The following CDK5RAP2 variants were observed in gnomAD, a reference collection of about 807,000 sequenced individuals.
The protein encoded by CDK5RAP2 is CDK5 regulatory subunit-associated protein 2.
CDK5RAP2 carries 147 observed loss-of-function variants against 232.9 expected under a neutral mutation model. That is an observed-to-expected ratio of 0.63 (90% CI 0.55 to 0.72). The LOEUF is 0.72. Ranked by LOEUF, CDK5RAP2 falls within the 30% of genes least tolerant of loss-of-function variation. CDK5RAP2 has a pLI of 0.00. For missense variants in CDK5RAP2, 2,195 were observed against 2,231.5 expected (o/e 0.98, Z 0.33); for synonymous variants, 833 against 833.7 (o/e 1.00, Z 0.01).
chr9:120,529,514 A>G (rs1332350560), intron 8 of CDK5RAP2, among the ~76,000 whole-genome samples: 1 of 152,194 alleles, frequency 6.6e-6, no homozygotes, highest in Non-Finnish European at 1.5e-5. Context: ...GGCTGGGAGG[A>G]TTGAACGAGA....
At chr9:120,563,603 T>C (rs988014486) in intron 3 of CDK5RAP2, among the ~76,000 whole-genome samples, 12 of 152,194 alleles carry the variant, frequency 7.9e-5, no homozygotes, top group African/African-American at 2.9e-4. Context: ...AGCCCCACTT[T>C]ACACATGAGG....
chr9:120,455,414 G>A (rs555205967), intron 20 of CDK5RAP2, among the ~76,000 whole-genome samples: 84 of 151,012 alleles, frequency 5.6e-4, no homozygotes, highest in African/African-American at 1.9e-3. Context: ...AAGGCCCTGC[G>A]ATGGACTGGG....
intron 23 of CDK5RAP2, among the ~76,000 whole-genome samples, chr9:120,441,727 T>A (rs1217166541): frequency 6.6e-6 from 1 of 152,230 alleles, no homozygotes; most frequent in Non-Finnish European, 1.5e-5. Flanking sequence ...GCAAATACCA[T>A]AAAGTATGGC....
chr9:120,435,470 T>TACACACACAC (rs55654634), intron 25 of CDK5RAP2, among the ~76,000 whole-genome samples: 445 of 147,406 alleles, frequency 3.0e-3, no homozygotes, highest in African/African-American at 0.01. Flanking sequence ...ATTACACATT[T>TACACACACAC]ACACACACAC....
At chr9:120,521,651 T>C (rs945031139) in intron 11 of CDK5RAP2, among the ~76,000 whole-genome samples, 3 of 145,344 alleles carry the variant, frequency 2.1e-5, no homozygotes, top group Middle Eastern at 3.4e-3. Flanking sequence ...TTTCTTTTTT[T>C]TTTTTTTTTT....
At chr9:120,406,720 C>A in intron 32 of CDK5RAP2, 1 of 424,350 alleles carries the variant, frequency 2.4e-6, no homozygotes, top group Non-Finnish European at 4.2e-6. Flanking sequence ...CAAAGTGATG[C>A]AGGCAGGACT....
In CDK5RAP2 at chr9:120,471,869, G is replaced by A. The variant is rs763979236; in HGVS notation, c.1737C>T (p.Asn579=). The A allele has an allele frequency of 1.9e-6, 3 of 1,613,954 alleles. No homozygotes were observed. The highest frequency in any genetic ancestry group is 1.7e-6 in the Non-Finnish European group (2 of 1,179,946). The change falls in exon 16 of 38, where the codon AAC becomes AAT. Residue 579 remains asparagine, a synonymous_variant. Coordinates refer to ENST00000349780, the MANE Select transcript of CDK5RAP2 (RefSeq NM_018249.6). The part of the protein sequence containing the change: ...KSLQESDSIN[N]LQAELNKIFA... ...AAATCTTGTTTAACTCAGCCTGCAGGTTGTTGATACTTGGTAAAACAAGAC... is the reference window on the plus strand; with the variant it reads ...AAATCTTGTTTAACTCAGCCTGCAGATTGTTGATACTTGGTAAAACAAGAC...
At chr9:120,549,384 T>C (rs1489446073) in intron 4 of CDK5RAP2, among the ~76,000 whole-genome samples, 1 of 152,186 alleles carries the variant, frequency 6.6e-6, no homozygotes, top group African/African-American at 2.4e-5. Flanking sequence ...AGTGTATATC[T>C]CTTAGGCTTT....
intron 16 of CDK5RAP2, among the ~76,000 whole-genome samples, chr9:120,471,201 A>C (rs914677782): frequency 5.3e-5 from 8 of 152,186 alleles, no homozygotes; most frequent in African/African-American, 1.4e-4. Context: ...ACCAACCCAA[A>C]CTTTAAAGGG....
At chr9:120,422,005 C>T (rs1049537046) in intron 26 of CDK5RAP2, among the ~76,000 whole-genome samples, 3 of 152,220 alleles carry the variant, frequency 2.0e-5, no homozygotes, top group African/African-American at 7.2e-5. Flanking sequence ...CTGACACACA[C>T]CAATACCTAG....
At position 120,491,392 on chromosome 9, in the gene CDK5RAP2, C is replaced by T. The variant is rs1218877614; in HGVS notation, c.1397G>A (p.Ser466Asn). ...AMENRYKSLL[S>N]ESNKKLHNQE... ...ATTGTGCAATTTTTTATTGCTTTCACTCAGAAGACTCTTGTAACGATTTTC... is the reference window on the plus strand; with the variant it reads ...ATTGTGCAATTTTTTATTGCTTTCATTCAGAAGACTCTTGTAACGATTTTC... Residue 466 changes from serine to asparagine, a missense_variant, in exon 13 of 38, where the codon AGT (serine) becomes AAT (asparagine). By Grantham distance (46) the Ser-to-Asn change is conservative. Coordinates refer to ENST00000349780, the MANE Select transcript of CDK5RAP2 (RefSeq NM_018249.6). The T allele has an allele frequency of 3.1e-6, 5 of 1,612,346 alleles. No homozygotes were observed. The highest frequency in any genetic ancestry group is 4.2e-6 in the Non-Finnish European group (5 of 1,178,766).
chr9:120,518,354 C>A, intron 12 of CDK5RAP2, 73 bp downstream of exon 12: 4 of 1,225,842 alleles, frequency 3.3e-6, no homozygotes, highest in Non-Finnish European at 4.8e-6. Context: ...CTGAATATCA[C>A]CCTACAACCA....
chr9:120,555,801 A>AC (rs1273679117), intron 3 of CDK5RAP2, among the ~76,000 whole-genome samples: 1 of 152,184 alleles, frequency 6.6e-6, no homozygotes, highest in African/African-American at 2.4e-5. Flanking sequence ...GCTGGGAGAA[A>AC]CTCTTACGTC....
intron 25 of CDK5RAP2, 85 bp downstream of exon 25, chr9:120,437,210 A>G (rs2131313865): frequency 1.1e-6 from 1 of 936,520 alleles, no homozygotes; most frequent in Non-Finnish European, 1.7e-6. Flanking sequence ...AACTAAGGCC[A>G]AGGAGTTAGC....
chr9:120,541,060 G>A (rs536602307), intron 5 of CDK5RAP2, among the ~76,000 whole-genome samples: 3 of 152,210 alleles, frequency 2.0e-5, no homozygotes, highest in Non-Finnish European at 2.9e-5. Flanking sequence ...CATTATACAC[G>A]GCCGAAAGAA....
rs376130472 is a variant in CDK5RAP2, at chr9:120,439,640, T to C, written c.3481A>G (p.Lys1161Glu). Reference protein sequence around the residue: ...EGAQDGLSKPKNGSDGEEMTF... With the variant: ...EGAQDGLSKPENGSDGEEMTF... The stretch of plus-strand genomic sequence containing the variant: ...ATTTCTTCCCCATCAGAACCATTCT[T>C]GGGCTTGCTCAAGCCATCCTGGGCC... The change falls in exon 24 of 38, where the codon AAG (lysine) becomes GAG (glutamate). Residue 1161 changes from lysine to glutamate, a missense_variant. Physicochemically the swap from Lys to Glu is moderately conservative, Grantham distance 56 (BLOSUM62 1). Coordinates refer to ENST00000349780, the MANE Select transcript of CDK5RAP2 (RefSeq NM_018249.6). The C allele has an allele frequency of 6.2e-7, 1 of 1,614,216 alleles. No homozygotes were observed. Among genetic ancestry groups the C allele is most frequent in the African/African-American group, 1.3e-5 (1 of 75,056 alleles).
chr9:120,499,337 T>C (rs1239909404), intron 12 of CDK5RAP2, among the ~76,000 whole-genome samples: 2 of 152,076 alleles, frequency 1.3e-5, no homozygotes, highest in Non-Finnish European at 2.9e-5. Context: ...GGGTTCAATG[T>C]ACTATTCTCT....
intron 25 of CDK5RAP2, among the ~76,000 whole-genome samples, chr9:120,423,257 T>A (rs2034680278): frequency 6.6e-6 from 1 of 152,238 alleles, no homozygotes; most frequent in Non-Finnish European, 1.5e-5. Context: ...TGCGCTAATA[T>A]TCCACTGTAG....
intron 15 of CDK5RAP2, among the ~76,000 whole-genome samples, chr9:120,476,166 G>A (rs1425314099): frequency 6.6e-6 from 1 of 151,848 alleles, no homozygotes; most frequent in African/African-American, 2.4e-5. Context: ...GGAGAAATGA[G>A]GGGTGATTCT....
Sources: allele counts gnomAD v4.1 joint callset (sites outside exome capture counted in the v4.1 genomes callset), GRCh38; gene constraint gnomAD v4.1.1; transcripts MANE v1.5; gene names NCBI Gene and HGNC (gene_info 2026-07-23, HGNC 2026-07-21).